Variants in DNMT3A observed in about 807,000 individuals in gnomAD.
DNMT3A encodes the protein DNA methyltransferase 3 alpha, also known as DNA (cytosine-5)-methyltransferase 3A.
In DNMT3A, 267 loss-of-function variants were observed where a neutral mutation model predicts 117.6. The observed-to-expected ratio is 2.27, with a 90% CI of 2.05 to 2.51. DNMT3A has a LOEUF of 2.51. Among genes scored for constraint, DNMT3A ranks in the 30% most tolerant of loss-of-function variants. DNMT3A has a pLI of 0.00. For missense variants in DNMT3A, 1,029 were observed against 1,260.2 expected, an observed-to-expected ratio of 0.82 and a Z score of 2.78; for synonymous variants, 432 against 474.8, an observed-to-expected ratio of 0.91 and a Z score of 1.17.
intron 1 of DNMT3A, among the ~76,000 whole-genome samples, chr2:25,321,830 G>A (rs1231703170): frequency 6.6e-6 from 1 of 152,184 alleles, no homozygotes; most frequent in Non-Finnish European, 1.5e-5. Flanking sequence ...AGGCTGCAGG[G>A]AGCTGTGATT....
chr2:25,256,450 T>A (rs1676148897), intron 6 of DNMT3A, among the ~76,000 whole-genome samples: 1 of 152,208 alleles, frequency 6.6e-6, no homozygotes, highest in Non-Finnish European at 1.5e-5. Flanking sequence ...TGAAAGTTCC[T>A]CTAGCCTTGC....
At chr2:25,326,106 ATATGTGTGTG>A (rs1224187653) in intron 1 of DNMT3A, among the ~76,000 whole-genome samples, 29 of 103,276 alleles carry the variant, frequency 2.8e-4, no homozygotes, top group African/African-American at 1.1e-3. Context: ...AACTTGATAT[ATATGTGTGTG>A]TGTGTGTGTG....
Position 25,281,741 on chromosome 2 carries a change from C to A in DNMT3A, c.448+700G>T, listed in dbSNP as rs376659784. 5.3e-5 allele frequency: 57 copies of A among 1,065,862 alleles called. No individual in the cohort carries two copies. The South Asian group carries it at 2.3e-3, about 43-fold the overall frequency. 66.0% of individuals were successfully genotyped at this position (1,065,862 alleles called of 1,614,324 possible). A position where few individuals can be genotyped will look rare whatever the true frequency, so the allele number is the denominator to read the frequency against. On this transcript the variant is annotated intron_variant, in intron 4 of 22. Coordinates refer to ENST00000321117, the MANE Select transcript of DNMT3A (RefSeq NM_022552.5). The surrounding 1 kb of genome is among the most constrained non-coding windows in gnomAD (Gnocchi z 4.8). Reference sequence around the variant, plus strand: ...TACAGCTCGGTTGGCCCTGAAATTGCTGGCTTAACCTGAAAGAGAAAAGTG... The same window carrying A: ...TACAGCTCGGTTGGCCCTGAAATTGATGGCTTAACCTGAAAGAGAAAAGTG...
chr2:25,322,555 A>G (rs2034636752), intron 1 of DNMT3A, among the ~76,000 whole-genome samples: 1 of 149,964 alleles, frequency 6.7e-6, no homozygotes, highest in Non-Finnish European at 1.5e-5. Context: ...CGTAACCCCA[A>G]CCCCCGCTCA....
In DNMT3A at chr2:25,245,253, C is replaced by CTTGCAGTTT. The variant is rs1330520679; in HGVS notation, c.1545_1553dup (p.Lys518_Cys520dup). The CTTGCAGTTT allele has an allele frequency of 6.2e-7, 1 of 1,613,826 alleles. No individual in the cohort carries two copies. The highest frequency in any genetic ancestry group is 1.6e-4 in the Middle Eastern group (1 of 6,062). On this transcript the variant is annotated inframe_insertion and splice_region_variant, in exon 13 of 23. Coordinates refer to ENST00000321117, the MANE Select transcript of DNMT3A (RefSeq NM_022552.5). ...CTCTCCTGGGTGGGTGTGCTCCTAC[C>CTTGCAGTTT]TTGCAGTTTTGGCACATTCCTCCAA... is the stretch of plus-strand genomic sequence containing the variant.
chr2:25,276,054 C>T (rs1428480193), intron 4 of DNMT3A, among the ~76,000 whole-genome samples: 4 of 152,084 alleles, frequency 2.6e-5, no homozygotes, highest in Non-Finnish European at 4.4e-5. Context: ...TACTGGGGGG[C>T]GGTGGGTACC....
rs1327510352 is a variant in DNMT3A at position 25,298,608 on chromosome 2, G to A, written c.177+1531C>T. Among the ~76,000 whole-genome samples, 1 of 152,104 alleles carries A rather than the reference G, an allele frequency of 6.6e-6. No homozygotes were observed. The highest frequency in any genetic ancestry group is 1.5e-5 in the Non-Finnish European group (1 of 68,022). On this transcript the variant is annotated intron_variant, in intron 3 of 22. Transcript: ENST00000321117. This position sits in a 1 kb window ranked among gnomAD's most constrained non-coding sequence, Gnocchi z 4.3. ...CACCAGTGTGCTCTGACTCCGGCCTGGCTCTCCTCCCACACCTTCTCCATT... is the reference window on the plus strand; with the variant it reads ...CACCAGTGTGCTCTGACTCCGGCCTAGCTCTCCTCCCACACCTTCTCCATT...
chr2:25,270,652 A>T (rs549312545), intron 6 of DNMT3A, among the ~76,000 whole-genome samples: 2 of 151,780 alleles, frequency 1.3e-5, no homozygotes, highest in East Asian at 3.9e-4. Flanking sequence ...GGGTCAGTGG[A>T]TCAACACTGG....
At chr2:25,331,250 C>T (rs751429263) in intron 1 of DNMT3A, among the ~76,000 whole-genome samples, 33 of 152,364 alleles carry the variant, frequency 2.2e-4, no homozygotes, top group Middle Eastern at 6.8e-3. Flanking sequence ...CGATGCCACA[C>T]TGCTCCTGGC....
Position 25,235,765 on chromosome 2 carries a change from GC to G in DNMT3A, c.2538del (p.Gln846HisfsTer7). The G allele has an allele frequency of 6.2e-7, 1 of 1,614,188 alleles. No homozygotes were observed. Among genetic ancestry groups the G allele is most frequent in the African/African-American group, 1.3e-5 (1 of 75,044 alleles). On this transcript the variant is annotated frameshift_variant, in exon 22 of 23. Coordinates refer to ENST00000321117, the MANE Select transcript of DNMT3A (RefSeq NM_022552.5). LOFTEE classifies it high-confidence loss of function. ...RSNSIKQGKD[Q>X]HFPVFMNEKE... ...TTCTCATTCATGAAGACAGGAAAAT[GC>G]TGGTCTTTGCCCTGCTTTATGGAGT...
chr2:25,292,523 A>G (rs2032832296), intron 3 of DNMT3A, among the ~76,000 whole-genome samples: 1 of 152,010 alleles, frequency 6.6e-6, no homozygotes, highest in Admixed American at 6.6e-5. Flanking sequence ...TCTGTGCTTC[A>G]TTTATCTTTC....
intron 3 of DNMT3A, among the ~76,000 whole-genome samples, chr2:25,284,348 T>TA (rs1454308595): frequency 2.6e-5 from 4 of 151,966 alleles, no homozygotes; most frequent in African/African-American, 9.6e-5. Flanking sequence ...ACATATATCA[T>TA]AAAAAAATCA....
chr2:25,321,024 C>T (rs576190052), intron 1 of DNMT3A, among the ~76,000 whole-genome samples: 8 of 151,844 alleles, frequency 5.3e-5, no homozygotes, highest in African/African-American at 9.7e-5. Context: ...CCCAGCTACT[C>T]GGGAAGGCTG....
In DNMT3A at chr2:25,244,043, C is replaced by T. The variant is rs1029377659; in HGVS notation, c.1852-61G>A. On this transcript the variant is annotated intron_variant, in intron 15 of 22. Transcript: ENST00000321117. ...AGCGGTGTCCCAAGCTCCCACCCAG[C>T]GCTGGCCCTCCAGCCAGGCTCCTAG... The T allele has an allele frequency of 1.2e-5, 19 of 1,565,184 alleles. 1 individual carries two copies. In the Admixed American group the frequency reaches 1.5e-4, roughly 12 times the overall value.
chr2:25,244,178 C>T lies in DNMT3A; in HGVS notation c.1828G>A (p.Ala610Thr), dbSNP rs2149288773. 2 of 1,613,914 alleles carry T rather than the reference C, an allele frequency of 1.2e-6. No homozygotes were observed. The highest frequency in any genetic ancestry group is 1.1e-5 in the South Asian group (1 of 91,086). The change falls in exon 15 of 23, where the codon GCT becomes ACT. Residue 610 changes from alanine (A) to threonine (T), a missense_variant. By Grantham distance (58) the Ala-to-Thr change is moderately conservative. Transcript: ENST00000321117. ...ACAAATTCCTGGTCGTGGTTATTAG[C>T]GAAGAACATCTGGAGCCGGGAGGGC... ...DWPSRLQMFF[A>T]NNHDQEFDPP...
upstream of DNMT3A, among the ~76,000 whole-genome samples, chr2:25,342,189 G>A (rs1254194643): frequency 1.4e-5 from 2 of 145,668 alleles, no homozygotes; most frequent in African/African-American, 4.9e-5. This position sits in a 1 kb window ranked among gnomAD's most constrained non-coding sequence, Gnocchi z 5.9. Flanking sequence ...GGGGCGCCGC[G>A]GCGGGAGCGG....
intron 1 of DNMT3A, among the ~76,000 whole-genome samples, chr2:25,319,216 A>G (rs1164290252): frequency 2.1e-4 from 30 of 143,986 alleles, no homozygotes; most frequent in South Asian, 1.1e-3. Flanking sequence ...GGGTTTCACC[A>G]TGTTAGCCAG....
At chr2:25,313,559 C>T (rs577975053) in intron 2 of DNMT3A, among the ~76,000 whole-genome samples, 2 of 152,280 alleles carry the variant, frequency 1.3e-5, no homozygotes, top group East Asian at 1.9e-4. Flanking sequence ...AAGTGATTCA[C>T]GTGAAGGCCC....
intron 2 of DNMT3A, among the ~76,000 whole-genome samples, chr2:25,308,655 T>C (rs868601969): frequency 6.6e-6 from 1 of 151,776 alleles, no homozygotes; most frequent in African/African-American, 2.4e-5. Context: ...TATTTAAACA[T>C]ACTAAGAAGG....
Sources: gnomAD v4.1 joint callset for allele counts (sites outside exome capture counted in the v4.1 genomes callset) on GRCh38, gnomAD v4.1.1 for gene constraint, Gnocchi (gnomAD v3.1) non-coding constraint, MANE v1.5 for transcripts, NCBI Gene and HGNC (gene_info 2026-07-23, HGNC 2026-07-21) for gene names.